Variants in RAPGEF2 observed in about 807,000 individuals in gnomAD.
RAPGEF2 encodes Rap guanine nucleotide exchange factor 2.
Under a neutral mutation model 186.7 loss-of-function variants are expected in RAPGEF2, and 54 were observed. The ratio of observed to expected loss-of-function variants is 0.29; its 90% CI spans 0.23 to 0.36. The LOEUF is 0.36. RAPGEF2 is among the 10% of genes least tolerant of loss of function. The pLI is 1.00. For missense variants in RAPGEF2, 1,532 were observed against 2,045.0 expected, an observed-to-expected ratio of 0.75 and a Z score of 4.84; for synonymous variants, 712 against 705.9, an observed-to-expected ratio of 1.01 and a Z score of -0.14.
At position 159,331,501 on chromosome 4, in the gene RAPGEF2, G is replaced by C; in HGVS notation, c.1538G>C (p.Arg513Pro). Residue 513 changes from arginine (R) to proline (P), a missense_variant, in exon 14 of 30, where the codon CGA (arginine) becomes CCA (proline). Arg to Pro is a moderately radical substitution (Grantham distance 103). This residue lies in a region of RAPGEF2 where 810 missense variants were observed against 1,210.5 expected (regional missense o/e 0.67). Transcript: ENST00000691494. The part of the protein sequence containing the change: ...NDFEGDPAMT[R>P]FLEEFENNLE... ...TTTGAAGGAGATCCTGCAATGACTC[G>C]ATTTTTAGAAGAATTTGAAAACAAT... 6.2e-7 allele frequency: 1 copy of C among 1,613,336 alleles called. No individual in the cohort carries two copies. The highest frequency in any genetic ancestry group is 8.5e-7 in the Non-Finnish European group (1 of 1,179,500).
At chr4:159,221,270 T>C (rs1751519005) in intron 4 of RAPGEF2, among the ~76,000 whole-genome samples, 1 of 152,166 alleles carries the variant, frequency 6.6e-6, no homozygotes, top group African/African-American at 2.4e-5. Flanking sequence ...CTTCCACCCT[T>C]CTTCTCCGCT....
In RAPGEF2 at chr4:159,260,842, A is replaced by G. The variant is rs910992551; in HGVS notation, c.543+17051A>G. 2.0e-5 allele frequency among the ~76,000 whole-genome samples: 3 copies of G among 152,106 alleles called. No individual in the cohort carries two copies. The South Asian group carries it at 6.2e-4, about 32-fold the overall frequency. On this transcript the variant is annotated intron_variant, in intron 7 of 29. Coordinates refer to ENST00000691494, the MANE Select transcript of RAPGEF2 (RefSeq NM_001394067.2). Reference sequence around the variant, plus strand: ...CGGCTCACCACAACCTCCGCCTCCCAGGTTCAAGTGATTCTCCTTCCTCAG... The same window carrying G: ...CGGCTCACCACAACCTCCGCCTCCCGGGTTCAAGTGATTCTCCTTCCTCAG...
intron 7 of RAPGEF2, among the ~76,000 whole-genome samples, chr4:159,298,933 G>C (rs560162947): frequency 6.6e-6 from 1 of 152,060 alleles, no homozygotes; most frequent in Non-Finnish European, 1.5e-5. Flanking sequence ...CACAACACAG[G>C]CTTTCAATAA....
At chr4:159,239,781 A>G (rs773987591) in intron 5 of RAPGEF2, among the ~76,000 whole-genome samples, 3 of 152,198 alleles carry the variant, frequency 2.0e-5, no homozygotes, top group Non-Finnish European at 4.4e-5. Context: ...CCTAGCTGGG[A>G]AGGAAGATCT....
chr4:159,245,634 T>C (rs1754540322), intron 7 of RAPGEF2, among the ~76,000 whole-genome samples: 1 of 152,050 alleles, frequency 6.6e-6, no homozygotes, highest in African/African-American at 2.4e-5. Context: ...TTTGTGTGGG[T>C]AGGAAAATCT....
At chr4:159,341,240 C>T (rs1729432632) in intron 19 of RAPGEF2, among the ~76,000 whole-genome samples, 1 of 152,150 alleles carries the variant, frequency 6.6e-6, no homozygotes, top group African/African-American at 2.4e-5. Context: ...CCTTTTTAAA[C>T]TAAAAATGTG....
intron 1 of RAPGEF2, among the ~76,000 whole-genome samples, chr4:159,107,551 A>G (rs536748825): frequency 3.4e-4 from 52 of 152,236 alleles, no homozygotes; most frequent in African/African-American, 1.2e-3. Context: ...TGTAAAAGTT[A>G]CTGTTAAAAA....
At chr4:159,219,016 T>C (rs908696408) in intron 4 of RAPGEF2, among the ~76,000 whole-genome samples, 10 of 152,210 alleles carry the variant, frequency 6.6e-5, no homozygotes. Flanking sequence ...TTCAGTTTGA[T>C]CTATGCATAT....
chr4:159,261,595 TC>T, intron 7 of RAPGEF2, among the ~76,000 whole-genome samples: 1 of 152,342 alleles, frequency 6.6e-6, no homozygotes, highest in East Asian at 1.9e-4. Flanking sequence ...ATCCTCTTCT[TC>T]TGTATTAAAT....
At chr4:159,165,666 G>A (rs1443915525) in intron 1 of RAPGEF2, among the ~76,000 whole-genome samples, 1 of 152,118 alleles carries the variant, frequency 6.6e-6, no homozygotes, top group Non-Finnish European at 1.5e-5. Flanking sequence ...TGACCAGGCC[G>A]GAGTGCAGTG....
chr4:159,126,670 G>A (rs1167904251), intron 1 of RAPGEF2, among the ~76,000 whole-genome samples: 2 of 152,084 alleles, frequency 1.3e-5, no homozygotes, highest in African/African-American at 4.8e-5. Flanking sequence ...GTGTTTACAG[G>A]AACCCACACT....
intron 3 of RAPGEF2, among the ~76,000 whole-genome samples, chr4:159,200,736 AT>A (rs575137878): frequency 1.3e-5 from 2 of 151,860 alleles, no homozygotes; most frequent in Non-Finnish European, 1.5e-5. Context: ...GAAAATAAGG[AT>A]TTTTTTTGAA....
chr4:159,185,116 A>G (rs982652511), intron 1 of RAPGEF2, among the ~76,000 whole-genome samples: 2 of 152,230 alleles, frequency 1.3e-5, no homozygotes, highest in African/African-American at 4.8e-5. Context: ...AATGCAAGTC[A>G]ATACTATTAC....
intron 4 of RAPGEF2, among the ~76,000 whole-genome samples, chr4:159,233,944 C>T (rs868021618): frequency 6.6e-6 from 1 of 151,742 alleles, no homozygotes; most frequent in Non-Finnish European, 1.5e-5. Flanking sequence ...AATTGGGAAG[C>T]GTGAGTCCTC....
intron 26 of RAPGEF2, 199 bp from the exon 27 acceptor site, chr4:159,352,486 C>T: frequency 1.9e-6 from 1 of 531,622 alleles, no homozygotes; most frequent in Non-Finnish European, 3.3e-6. Context: ...CCTCTCTAAA[C>T]TTCGATTAAA....
At chr4:159,254,692 CCT>C (rs989715538) in intron 7 of RAPGEF2, among the ~76,000 whole-genome samples, 8 of 151,532 alleles carry the variant, frequency 5.3e-5, no homozygotes, top group African/African-American at 1.9e-4. Flanking sequence ...CACTGCAACC[CCT>C]GTCTTCTGGG....
chr4:159,151,965 A>G (rs1401788505), intron 1 of RAPGEF2, among the ~76,000 whole-genome samples: 1 of 152,178 alleles, frequency 6.6e-6, no homozygotes, highest in African/African-American at 2.4e-5. Flanking sequence ...GAGCAAGAAT[A>G]AGTGTGTCTT....
intron 11 of RAPGEF2, among the ~76,000 whole-genome samples, 183 bp downstream of exon 11, chr4:159,323,800 C>T (rs1282795452): frequency 1.3e-5 from 2 of 150,800 alleles, no homozygotes; most frequent in Non-Finnish European, 2.9e-5. Context: ...CTCACTGCAA[C>T]ATCTGCCTCC....
chr4:159,296,500 G>A (rs1244621137), intron 7 of RAPGEF2, among the ~76,000 whole-genome samples: 2 of 152,180 alleles, frequency 1.3e-5, no homozygotes, highest in African/African-American at 2.4e-5. Context: ...TAATGCTTAA[G>A]TGTGTGCTCC....
Sources: gnomAD v4.1 joint callset for allele counts (sites outside exome capture counted in the v4.1 genomes callset) on GRCh38, gnomAD v4.1.1 for gene constraint, gnomAD v4.1.1 regional missense constraint, MANE v1.5 for transcripts, NCBI Gene and HGNC (gene_info 2026-07-23, HGNC 2026-07-21) for gene names.